Variants in HDAC9 observed in about 807,000 individuals in gnomAD.
HDAC9 encodes the protein histone deacetylase 9, also known as MEF-2 interacting transcription repressor (MITR) protein.
In HDAC9, 41 loss-of-function variants were observed where a neutral mutation model predicts 139.4. The observed-to-expected ratio is 0.29, with a 90% CI of 0.23 to 0.38. HDAC9 has a LOEUF of 0.38. Among genes scored for constraint, HDAC9 ranks in the 10% least tolerant of loss-of-function variants. HDAC9 has a pLI of 1.00. For missense variants in HDAC9, 1,147 were observed against 1,297.0 expected (o/e 0.88, Z 1.78); for synonymous variants, 517 against 476.2 (o/e 1.09, Z -1.12).
intron 1 of HDAC9, among the ~76,000 whole-genome samples, chr7:18,110,004 G>GT (rs964605230): frequency 1.3e-5 from 2 of 152,130 alleles, no homozygotes; most frequent in Non-Finnish European, 2.9e-5. Flanking sequence ...TCAGAATGAT[G>GT]TTTTTTTGGC....
chr7:18,234,780 C>T (rs962303194), intron 2 of HDAC9, among the ~76,000 whole-genome samples: 1 of 152,164 alleles, frequency 6.6e-6, no homozygotes, highest in Non-Finnish European at 1.5e-5. Context: ...ATTTGAGAAA[C>T]CACAGAAGTA....
intron 1 of HDAC9, among the ~76,000 whole-genome samples, chr7:18,310,341 G>A (rs1740637016): frequency 6.6e-6 from 1 of 152,136 alleles, no homozygotes; most frequent in South Asian, 2.1e-4. Flanking sequence ...GATATACCAT[G>A]GCCCAGAAAA....
At chr7:18,219,004 C>T (rs1792504453) in intron 2 of HDAC9, among the ~76,000 whole-genome samples, 2 of 152,030 alleles carry the variant, frequency 1.3e-5, no homozygotes, top group African/African-American at 2.4e-5. Flanking sequence ...AATTTGTACC[C>T]AAATTTATAC....
chr7:18,906,635 G>C (rs1392152113), intron 22 of HDAC9, among the ~76,000 whole-genome samples: 1 of 152,154 alleles, frequency 6.6e-6, no homozygotes, highest in East Asian at 1.9e-4. Flanking sequence ...GGCAAAGGAA[G>C]CCCAGTTTAT....
intron 13 of HDAC9, among the ~76,000 whole-genome samples, chr7:18,729,782 T>C (rs1785878705): frequency 6.6e-6 from 1 of 152,216 alleles, no homozygotes; most frequent in Non-Finnish European, 1.5e-5. Flanking sequence ...ATAATGGATT[T>C]GATAAGGCAA....
intron 22 of HDAC9, chr7:18,892,747 A>C (rs190451642): frequency 3.7e-4 from 56 of 152,304 alleles, no homozygotes; most frequent in African/African-American, 1.2e-3. Flanking sequence ...GAAAAGGAGA[A>C]TTATTGCCCA....
chr7:18,759,901 G>A (rs995034595), intron 14 of HDAC9, among the ~76,000 whole-genome samples: 1 of 152,128 alleles, frequency 6.6e-6, no homozygotes, highest in African/African-American at 2.4e-5. Flanking sequence ...AACACATCAA[G>A]ATATACTTAA....
At chr7:18,815,723 G>T (rs1734564275) in intron 17 of HDAC9, among the ~76,000 whole-genome samples, 1 of 152,220 alleles carries the variant, frequency 6.6e-6, no homozygotes, top group Non-Finnish European at 1.5e-5. Context: ...GCTGTGCATA[G>T]GCTTTGGGAT....
chr7:18,288,575 T>A (rs2128223411), upstream of HDAC9, among the ~76,000 whole-genome samples: 1 of 152,234 alleles, frequency 6.6e-6, no homozygotes, highest in East Asian at 1.9e-4. Context: ...ATGTAAGTTA[T>A]GTTCATGCCT....
At chr7:18,710,766 G>A (rs1048910613) in intron 12 of HDAC9, among the ~76,000 whole-genome samples, 7 of 152,128 alleles carry the variant, frequency 4.6e-5, no homozygotes, top group African/African-American at 7.2e-5. Flanking sequence ...AAGGAAAGCC[G>A]CTGAAGTTTA....
intron 16 of HDAC9, among the ~76,000 whole-genome samples, chr7:18,779,222 C>G (rs1791038198): frequency 6.6e-6 from 1 of 151,960 alleles, no homozygotes; most frequent in African/African-American, 2.4e-5. Flanking sequence ...GTTCACCCAC[C>G]CATTGTTATC....
At chr7:18,868,252 C>T (rs1399667980) in intron 21 of HDAC9, among the ~76,000 whole-genome samples, 1 of 152,142 alleles carries the variant, frequency 6.6e-6, no homozygotes, top group African/African-American at 2.4e-5. Flanking sequence ...GACTGTCAAA[C>T]CCCACTTTAG....
intron 1 of HDAC9, among the ~76,000 whole-genome samples, chr7:18,328,257 C>G (rs1800622104): frequency 1.3e-5 from 2 of 151,858 alleles, no homozygotes; most frequent in Admixed American, 1.3e-4. Context: ...ATTGCCTTTA[C>G]TCGTTTATTG....
intron 12 of HDAC9, 174 bp downstream of exon 12, chr7:18,666,650 G>T: frequency 7.1e-7 from 1 of 1,408,972 alleles, no homozygotes; most frequent in Non-Finnish European, 9.3e-7. Context: ...TATCTATATA[G>T]AGGTCTTTCT....
intron 2 of HDAC9, among the ~76,000 whole-genome samples, chr7:18,196,201 G>C (rs941739564): frequency 6.6e-6 from 1 of 152,154 alleles, no homozygotes. Context: ...AATAGAAGGT[G>C]TACATTTGGA....
intron 21 of HDAC9, among the ~76,000 whole-genome samples, chr7:18,849,799 T>A (rs1797151719): frequency 6.6e-6 from 1 of 152,162 alleles, no homozygotes; most frequent in South Asian, 2.1e-4. Context: ...CATTAAATGT[T>A]AGAATGTATT....
At chr7:18,311,964 C>T (rs577144230) in intron 1 of HDAC9, among the ~76,000 whole-genome samples, 16 of 152,100 alleles carry the variant, frequency 1.1e-4, no homozygotes, top group Non-Finnish European at 2.4e-4. Context: ...GGCACTACCA[C>T]GGGAAATTTA....
At chr7:18,515,741 C>G (rs1802977503) in intron 2 of HDAC9, among the ~76,000 whole-genome samples, 1 of 152,090 alleles carries the variant, frequency 6.6e-6, no homozygotes, top group South Asian at 2.1e-4. Context: ...ATAAGCAAAC[C>G]TAAGGCTTAG....
intron 6 of HDAC9, among the ~76,000 whole-genome samples, chr7:18,610,114 C>T (rs950847601): frequency 2.6e-5 from 4 of 152,078 alleles, no homozygotes; most frequent in African/African-American, 4.8e-5. Context: ...ATGTTTATTG[C>T]GGCACTATTC....
Sources: allele counts gnomAD v4.1 joint callset (sites outside exome capture counted in the v4.1 genomes callset), GRCh38; gene constraint gnomAD v4.1.1; transcripts MANE v1.5; gene names NCBI Gene and HGNC (gene_info 2026-07-23, HGNC 2026-07-21).